SPATS1: variants seen among roughly 807,000 people sequenced by gnomAD.
SPATS1 encodes spermatogenesis associated serine rich 1.
A neutral mutation model predicts 33.6 loss-of-function variants in SPATS1; 23 were observed. The observed-to-expected ratio is 0.68, with a 90% CI of 0.49 to 0.97. The LOEUF is 0.97. Ranked by LOEUF, SPATS1 falls within the 50% of genes least tolerant of loss-of-function variation. The pLI is 0.00. For missense variants in SPATS1, 327 were observed against 361.0 expected (o/e 0.91, Z 0.76); for synonymous variants, 131 against 125.6 (o/e 1.04, Z -0.29).
rs536987404 is a variant in SPATS1, at chr6:44,377,960, T to C, written c.*897T>C. On this transcript the variant is annotated 3_prime_UTR_variant, in exon 9 of 9. Transcript: ENST00000674044. ...AAACATTTAGACCATAGCAGTGAAC[T>C]TTCATTGCTTTTGGTAAAACTTTTC... The C allele has an allele frequency of 6.6e-5, 10 of 152,356 alleles. No individual in the cohort carries two copies. The highest frequency in any genetic ancestry group is 2.2e-4 in the African/African-American group (9 of 41,580). The allele number at this position is 152,356 out of a possible 1,614,324, so 9.4% of individuals were successfully genotyped here.
rs1221420685 is a variant in SPATS1 at position 44,379,171 on chromosome 6, C to T, written c.*2108C>T. Among the ~76,000 whole-genome samples, 1 of 151,596 alleles carries T rather than the reference C, an allele frequency of 6.6e-6. No homozygotes were observed. ...CCAGGTGGGTTAGTAATGGAGGACA[C>T]AATATAGAACAAAAAAAGATTCTGC... is the stretch of plus-strand genomic sequence containing the variant. On this transcript the variant is annotated 3_prime_UTR_variant, in exon 9 of 9. Transcript: ENST00000674044.
At position 44,370,224 on chromosome 6, in the gene SPATS1, G is replaced by C. The variant is rs1480870884; in HGVS notation, c.758+111G>C. 11 of 988,400 alleles carry C rather than the reference G, an allele frequency of 1.1e-5. No homozygotes were observed. The Admixed American group carries it at 2.2e-4, about 20-fold the overall frequency. 61.2% of individuals were successfully genotyped at this position (988,400 alleles called of 1,614,324 possible). ...GATAACCAGGACACAGGGCCCTTTT[G>C]AATCCCAGCAGGAGGGTGGGGCAGT... On this transcript the variant is annotated intron_variant, in intron 7 of 8. Transcript: ENST00000674044.
At chr6:44,359,730 T>C (rs1321866351) in intron 3 of SPATS1, among the ~76,000 whole-genome samples, 1 of 151,932 alleles carries the variant, frequency 6.6e-6, no homozygotes, top group African/African-American at 2.4e-5. Context: ...CTACCATGCC[T>C]GGCTAATTTT....
intron 2 of SPATS1, among the ~76,000 whole-genome samples, chr6:44,351,376 A>T (rs1427350938): frequency 6.6e-6 from 1 of 152,136 alleles, no homozygotes; most frequent in Non-Finnish European, 1.5e-5. Context: ...GGGTCCTGGA[A>T]CCAATCCCCC....
chr6:44,350,954 T>G (rs759306129), intron 2 of SPATS1, among the ~76,000 whole-genome samples: 58 of 151,114 alleles, frequency 3.8e-4, no homozygotes, highest in Non-Finnish European at 5.2e-4. Context: ...TGAAACCTTG[T>G]CTCTACTAAA....
At chr6:44,348,397 A>T (rs1396219629) in intron 2 of SPATS1, among the ~76,000 whole-genome samples, 2 of 149,704 alleles carry the variant, frequency 1.3e-5, no homozygotes, top group Non-Finnish European at 3.0e-5. Context: ...TATTTCATTC[A>T]TTTCTGCTTT....
chr6:44,347,940 C>A (rs1443971093), intron 2 of SPATS1, among the ~76,000 whole-genome samples: 3 of 151,784 alleles, frequency 2.0e-5, no homozygotes, highest in African/African-American at 7.3e-5. Context: ...AGCTTAATTT[C>A]TTTATCTGTA....
At chr6:44,358,277 A>G (rs1375265331) in intron 3 of SPATS1, among the ~76,000 whole-genome samples, 1 of 152,236 alleles carries the variant, frequency 6.6e-6, no homozygotes, top group African/African-American at 2.4e-5. Context: ...ATAACAGATC[A>G]TTGTACCTGA....
At chr6:44,353,692 A>G (rs1788381130) in intron 3 of SPATS1, among the ~76,000 whole-genome samples, 1 of 152,204 alleles carries the variant, frequency 6.6e-6, no homozygotes, top group Non-Finnish European at 1.5e-5. Flanking sequence ...GTTACAATGG[A>G]AGTAATTTAA....
intron 1 of SPATS1, 97 bp downstream of exon 1, chr6:44,342,865 G>A: frequency 7.7e-7 from 1 of 1,298,610 alleles, no homozygotes. Context: ...GAGCTGGATG[G>A]GGGCTGCAGC....
At chr6:44,354,016 C>T (rs1178957599) in intron 3 of SPATS1, among the ~76,000 whole-genome samples, 8 of 123,916 alleles carry the variant, frequency 6.5e-5, no homozygotes, top group Admixed American at 2.2e-4. Flanking sequence ...CCAGCCTGGG[C>T]GACAGAGCGA....
intron 3 of SPATS1, 49 bp downstream of exon 3, chr6:44,352,922 C>G (rs375830076): frequency 4.9e-5 from 77 of 1,587,266 alleles, no homozygotes; most frequent in Non-Finnish European, 6.3e-5. Context: ...AGATTCTGAC[C>G]AAGAAGCCAA....
chr6:44,368,021 A>G (rs1789352139), intron 5 of SPATS1, among the ~76,000 whole-genome samples: 1 of 152,162 alleles, frequency 6.6e-6, no homozygotes, highest in Non-Finnish European at 1.5e-5. Flanking sequence ...GCTTCCTAAG[A>G]CTCAGGGATT....
chr6:44,368,417 G>T lies in SPATS1; in HGVS notation c.613G>T (p.Gly205Cys). 1 of 1,613,526 alleles carries T rather than the reference G, an allele frequency of 6.2e-7. No homozygotes were observed. Among genetic ancestry groups the T allele is most frequent in the Non-Finnish European group, 8.5e-7 (1 of 1,179,744 alleles). The change falls in exon 6 of 9, where the codon GGC becomes TGC. Residue 205 changes from glycine (G) to cysteine (C), a missense_variant. By Grantham distance (159) the Gly-to-Cys change is radical (BLOSUM62 -3). Transcript: ENST00000674044. ...GAATGGAATCCCAAAGTTAACTCCA[G>T]GCGACAATCCATATATGTACCCAGA... ...PRNGIPKLTP[G>C]DNPYMYPEQS...
At chr6:44,371,966 T>C (rs1435679684) in intron 7 of SPATS1, among the ~76,000 whole-genome samples, 1 of 149,044 alleles carries the variant, frequency 6.7e-6, no homozygotes, top group Non-Finnish European at 1.5e-5. Flanking sequence ...AAAAAAAGAT[T>C]TTTGTTTGCA....
At chr6:44,371,721 G>A (rs1447831742) in intron 7 of SPATS1, among the ~76,000 whole-genome samples, 1 of 151,578 alleles carries the variant, frequency 6.6e-6, no homozygotes, top group African/African-American at 2.4e-5. Context: ...TGAGGCTGGC[G>A]GATCACGAGG....
In SPATS1 at chr6:44,345,244, G is replaced by A. The variant is rs1450259280; in HGVS notation, c.139+2010G>A. Among the ~76,000 whole-genome samples the A allele has an allele frequency of 2.6e-5, 4 of 152,012 alleles. 1 individual carries two copies. The highest frequency in any genetic ancestry group is 9.7e-5 in the African/African-American group (4 of 41,372). On this transcript the variant is annotated intron_variant, in intron 2 of 8. Coordinates refer to ENST00000674044, the MANE Select transcript of SPATS1 (RefSeq NM_001372081.1). ...AAGTTTGAGGTTGAGTTACTCTCAG[G>A]AAGATGCCGTAGTCAGCTTGATCTA...
chr6:44,346,288 A>AAAC (rs1424610626), intron 2 of SPATS1, among the ~76,000 whole-genome samples: 6 of 151,650 alleles, frequency 4.0e-5, no homozygotes, highest in African/African-American at 7.2e-5. Context: ...CTCAAAAAAA[A>AAAC]AAACAAACCC....
At chr6:44,347,773 A>G (rs1015225173) in intron 2 of SPATS1, among the ~76,000 whole-genome samples, 11 of 152,248 alleles carry the variant, frequency 7.2e-5, no homozygotes, top group African/African-American at 1.9e-4. Flanking sequence ...TTGTTTTCAT[A>G]TACAATTTTA....
Sources: allele counts gnomAD v4.1 joint callset (sites outside exome capture counted in the v4.1 genomes callset), GRCh38; gene constraint gnomAD v4.1.1; transcripts MANE v1.5; gene names NCBI Gene and HGNC (gene_info 2026-07-23, HGNC 2026-07-21).